NOL10: variants seen among roughly 807,000 people sequenced by gnomAD.
NOL10 encodes the protein nucleolar protein 10.
A neutral mutation model predicts 103.5 loss-of-function variants in NOL10; 58 were observed. That is an observed-to-expected ratio of 0.56 (90% CI 0.45 to 0.70). NOL10 has a LOEUF of 0.70. Ranked by LOEUF, NOL10 falls within the 30% of genes least tolerant of loss-of-function variation. The pLI is 0.00. For missense variants in NOL10, 763 were observed against 807.3 expected (o/e 0.95, Z 0.67); for synonymous variants, 287 against 282.5 (o/e 1.02, Z -0.16).
At chr2:10,687,197 A>G (rs1009069889) in intron 1 of NOL10, among the ~76,000 whole-genome samples, 12 of 152,164 alleles carry the variant, frequency 7.9e-5, no homozygotes, top group Non-Finnish European at 2.9e-5. Context: ...AAACAGGACA[A>G]GCAGGGGTTT....
At chr2:10,686,477 A>T (rs1572455871) in intron 1 of NOL10, among the ~76,000 whole-genome samples, 1 of 151,930 alleles carries the variant, frequency 6.6e-6, no homozygotes, top group African/African-American at 2.4e-5. Flanking sequence ...CACTCAAAGG[A>T]CTCTGCTTTT....
intron 11 of NOL10, 104 bp downstream of exon 11, chr2:10,657,638 T>C: frequency 1.0e-6 from 1 of 957,888 alleles, no homozygotes; most frequent in Non-Finnish European, 1.5e-6. Flanking sequence ...GTATATTCAG[T>C]ATCTCTTTCC....
intron 3 of NOL10, among the ~76,000 whole-genome samples, chr2:10,679,501 T>A (rs921176052): frequency 1.2e-4 from 18 of 152,102 alleles, no homozygotes; most frequent in South Asian, 4.2e-4. Context: ...TCAAAAAAAA[T>A]AAAAATAAAA....
chr2:10,629,839 C>T (rs1677721786), intron 13 of NOL10, among the ~76,000 whole-genome samples: 1 of 152,192 alleles, frequency 6.6e-6, no homozygotes, highest in Non-Finnish European at 1.5e-5. Context: ...ACATGATATT[C>T]CCTTCTAAAA....
intron 12 of NOL10, among the ~76,000 whole-genome samples, chr2:10,647,263 T>G (rs1679149555): frequency 6.6e-6 from 1 of 152,150 alleles, no homozygotes; most frequent in Non-Finnish European, 1.5e-5. Flanking sequence ...AAATCAGTAC[T>G]CATCTGCATG....
In NOL10 at chr2:10,600,715, T is replaced by C. The variant is rs4668692; in HGVS notation, c.1422+138A>G. 0.18 allele frequency: 107,798 copies of C among 603,336 alleles called. 14,416 individuals are homozygous for C. Among genetic ancestry groups the C allele is most frequent in the African/African-American group, 0.46 (23,675 of 52,030 alleles). 37.4% of individuals were successfully genotyped at this position (603,336 alleles called of 1,614,324 possible). ...TCTTTTCTATTTTCCAGACTTCCCA[T>C]CTTAAGCATATACTAATCTTATACG... On this transcript the variant is annotated intron_variant, in intron 17 of 20. Transcript: ENST00000381685.
At chr2:10,675,426 TTC>T (rs1343477169) in intron 4 of NOL10, among the ~76,000 whole-genome samples, 1 of 151,782 alleles carries the variant, frequency 6.6e-6, no homozygotes, top group Non-Finnish European at 1.5e-5. Flanking sequence ...TGGAAGCAAA[TTC>T]TTTTTTATTT....
intron 13 of NOL10, among the ~76,000 whole-genome samples, chr2:10,609,447 A>G (rs904772902): frequency 2.0e-5 from 3 of 150,730 alleles, no homozygotes; most frequent in South Asian, 2.1e-4. Flanking sequence ...AAAAAAAAAA[A>G]AAAAAAATCA....
rs558481784 is a variant in NOL10 at position 10,596,605 on chromosome 2, G to C, written c.1422+4248C>G. Among the ~76,000 whole-genome samples the C allele has an allele frequency of 3.3e-5, 5 of 152,248 alleles. No individual in the cohort carries two copies. The South Asian group carries it at 1.0e-3, about 32-fold the overall frequency. On this transcript the variant is annotated intron_variant, in intron 17 of 20. Coordinates refer to ENST00000381685, the MANE Select transcript of NOL10 (RefSeq NM_024894.4). ...GGCTCAGGCAGTAATGTGAGCAATGGGGAGTGGCTGTAAATACAGATGAAG... is the reference window on the plus strand; with the variant it reads ...GGCTCAGGCAGTAATGTGAGCAATGCGGAGTGGCTGTAAATACAGATGAAG...
chr2:10,591,461 T>C (rs940644871), intron 17 of NOL10, among the ~76,000 whole-genome samples: 2 of 152,124 alleles, frequency 1.3e-5, no homozygotes, highest in Admixed American at 6.5e-5. Flanking sequence ...TTCCAGCCGA[T>C]GGGAGTGGTG....
At chr2:10,631,401 T>C (rs920600436) in intron 13 of NOL10, among the ~76,000 whole-genome samples, 5 of 152,220 alleles carry the variant, frequency 3.3e-5, no homozygotes, top group Middle Eastern at 6.3e-3. Context: ...TGTCATACTC[T>C]AGATGCAAAG....
intron 13 of NOL10, among the ~76,000 whole-genome samples, chr2:10,614,505 A>G (rs1676734682): frequency 6.6e-6 from 1 of 152,238 alleles, no homozygotes; most frequent in African/African-American, 2.4e-5. Flanking sequence ...AAAAAACTTC[A>G]GTAAGGTCTG....
intron 13 of NOL10, among the ~76,000 whole-genome samples, chr2:10,641,720 C>T (rs1678708874): frequency 6.6e-6 from 1 of 152,212 alleles, no homozygotes; most frequent in Non-Finnish European, 1.5e-5. Context: ...TTCCCACACT[C>T]ATCAATTTCA....
chr2:10,679,652 G>C (rs193145045), intron 3 of NOL10, among the ~76,000 whole-genome samples: 36 of 150,954 alleles, frequency 2.4e-4, no homozygotes, highest in Admixed American at 8.6e-4. Context: ...TTGAGACAGA[G>C]TCTCGCTCTG....
intron 11 of NOL10, 49 bp downstream of exon 11, chr2:10,657,693 G>C (rs1157771169): frequency 6.7e-7 from 1 of 1,482,086 alleles, no homozygotes; most frequent in Middle Eastern, 1.7e-4. Flanking sequence ...AGGATCATTC[G>C]GAACACCTGC....
At chr2:10,637,194 A>G (rs1395915097) in intron 13 of NOL10, among the ~76,000 whole-genome samples, 6 of 148,298 alleles carry the variant, frequency 4.0e-5, no homozygotes, top group Non-Finnish European at 7.5e-5. Flanking sequence ...GTCTCAAAAA[A>G]AAAAAAAAAA....
At chr2:10,626,140 C>A (rs1261804817) in intron 13 of NOL10, among the ~76,000 whole-genome samples, 1 of 152,000 alleles carries the variant, frequency 6.6e-6, no homozygotes, top group African/African-American at 2.4e-5. Context: ...ATGATCACAC[C>A]ACTGCACTCC....
intron 13 of NOL10, among the ~76,000 whole-genome samples, chr2:10,633,234 T>C (rs1677957606): frequency 6.6e-6 from 1 of 152,002 alleles, no homozygotes; most frequent in South Asian, 2.1e-4. Context: ...TTTACTTAGT[T>C]ATTCCGTTAT....
intron 11 of NOL10, among the ~76,000 whole-genome samples, chr2:10,655,916 G>A (rs752726284): frequency 6.6e-6 from 1 of 152,194 alleles, no homozygotes; most frequent in Non-Finnish European, 1.5e-5. Context: ...AATTCACACA[G>A]CTACCTGCTG....
Sources: gnomAD v4.1 joint callset for allele counts (sites outside exome capture counted in the v4.1 genomes callset) on GRCh38, gnomAD v4.1.1 for gene constraint, MANE v1.5 for transcripts, NCBI Gene and HGNC (gene_info 2026-07-23, HGNC 2026-07-21) for gene names.